The following AGO3 variants were observed in gnomAD, a reference collection of about 807,000 sequenced individuals.
AGO3 encodes argonaute RISC catalytic component 3, also known as protein argonaute-3.
AGO3 carries 16 observed loss-of-function variants against 105.5 expected under a neutral mutation model. The ratio of observed to expected loss-of-function variants is 0.15; its 90% CI spans 0.10 to 0.23. The LOEUF (loss-of-function observed/expected upper bound fraction) is 0.23. Ranked by LOEUF, AGO3 falls within the 10% of genes least tolerant of loss-of-function variation. The probability of loss-of-function intolerance (pLI) is 1.00; values close to 1 mark genes in which losing one functional copy is unlikely to be tolerated. For synonymous variants in AGO3, 340 were observed against 367.3 expected, an observed-to-expected ratio of 0.93 and a Z score of 0.85; for missense variants, 534 against 1,088.0, an observed-to-expected ratio of 0.49 and a Z score of 7.16.
chr1:35,993,591 A>C (rs1302347522), intron 5 of AGO3, among the ~76,000 whole-genome samples: 2 of 152,132 alleles, frequency 1.3e-5, no homozygotes, highest in African/African-American at 4.8e-5. Flanking sequence ...TATATCAAAG[A>C]AATTGAATTC....
At position 36,004,426 on chromosome 1, in the gene AGO3, A is replaced by G. The variant is rs1289524727; in HGVS notation, c.744A>G (p.Pro248=). 1.2e-6 allele frequency: 2 copies of G among 1,608,174 alleles called. No homozygotes were observed. The highest frequency in any genetic ancestry group is 1.7e-6 in the Non-Finnish European group (2 of 1,176,188). The change falls in exon 6 of 19, where the codon CCA becomes CCG. Residue 248 remains proline (P), a synonymous_variant. Coordinates refer to ENST00000373191, the MANE Select transcript of AGO3 (RefSeq NM_024852.4). ...ATATTCATAATATTGATGAGCAACC[A>G]AGACCTCTGACTGATTCTCATCGGG... is the stretch of plus-strand genomic sequence containing the variant. ...VLDIHNIDEQ[P]RPLTDSHRVK... is the part of the protein sequence containing the mutation.
rs1642361766 is a variant in AGO3, at chr1:36,044,112, A to G, written c.2274+564A>G. Among the ~76,000 whole-genome samples, 4 of 152,340 alleles carry G rather than the reference A, an allele frequency of 2.6e-5. No individual in the cohort carries two copies. In the South Asian group the frequency reaches 8.3e-4, roughly 32 times the overall value. The stretch of plus-strand genomic sequence containing the variant: ...ATAATTCCAACACTTTGGGAGGCTG[A>G]GATGGGCAGATTGCTTGAGTTCAGG... On this transcript the variant is annotated intron_variant, in intron 17 of 18. Transcript: ENST00000373191.
At chr1:35,967,217 T>G in intron 3 of AGO3, 142 bp downstream of exon 3, 1 of 1,214,494 alleles carries the variant, frequency 8.2e-7, no homozygotes. Flanking sequence ...TGAAATAATT[T>G]CAAACTTAAA....
intron 5 of AGO3, among the ~76,000 whole-genome samples, chr1:35,978,972 C>T (rs1207739191): frequency 6.6e-6 from 1 of 152,130 alleles, no homozygotes; most frequent in Non-Finnish European, 1.5e-5. Flanking sequence ...TTCCTCTGTG[C>T]TTGAAATATT....
At chr1:35,993,738 C>CTTTTTTTTTTT (rs141978570) in intron 5 of AGO3, among the ~76,000 whole-genome samples, 6 of 90,780 alleles carry the variant, frequency 6.6e-5, no homozygotes, top group African/African-American at 3.0e-4. Context: ...CCACCCCCTG[C>CTTTTTTTTTTT]TTTTTTTTTT....
chr1:36,007,603 G>A (rs561700890), intron 6 of AGO3, among the ~76,000 whole-genome samples: 1 of 151,604 alleles, frequency 6.6e-6, no homozygotes, highest in Admixed American at 6.6e-5. Flanking sequence ...GGCTGAGGCA[G>A]GAGAATCACA....
chr1:36,037,737 A>C (rs1036920905), intron 14 of AGO3, among the ~76,000 whole-genome samples: 2 of 152,110 alleles, frequency 1.3e-5, no homozygotes, highest in African/African-American at 4.8e-5. Context: ...TACATGAATT[A>C]TTTTCTTTAA....
intron 2 of AGO3, among the ~76,000 whole-genome samples, chr1:35,962,927 G>T (rs939729191): frequency 6.6e-6 from 1 of 152,110 alleles, no homozygotes; most frequent in Admixed American, 6.5e-5. Flanking sequence ...TTAGTAATAA[G>T]AGAAATCTAA....
At chr1:36,036,404 A>G (rs1478241689) in intron 14 of AGO3, 137 bp downstream of exon 14, 2 of 826,060 alleles carry the variant, frequency 2.4e-6, no homozygotes. Context: ...AAGAATGATT[A>G]TTCTCTGGTT....
intron 5 of AGO3, among the ~76,000 whole-genome samples, chr1:36,003,707 A>T (rs376860000): frequency 3.0e-3 from 361 of 120,138 alleles, no homozygotes; most frequent in Non-Finnish European, 4.4e-3. Flanking sequence ...AAAAAAAAAA[A>T]AAATATATAT....
Position 36,009,089 on chromosome 1 carries a change from C to A in AGO3, c.1029+45C>A, listed in dbSNP as rs1486490885. On this transcript the variant is annotated intron_variant, in intron 8 of 18. Transcript: ENST00000373191. ...AATTAATACCCTGTTGTTCATGATT[C>A]TTTTGGGGTCTTTTATGGCCGATAA... is the stretch of plus-strand genomic sequence containing the variant. 5 of 1,474,630 alleles carry A rather than the reference C, an allele frequency of 3.4e-6. No individual in the cohort carries two copies. In the East Asian group the frequency reaches 1.2e-4, roughly 36 times the overall value. The allele number at this position is 1,474,630 out of a possible 1,614,324, so 91.3% of individuals were successfully genotyped here.
intron 5 of AGO3, among the ~76,000 whole-genome samples, chr1:35,989,157 G>A (rs994900605): frequency 1.3e-5 from 2 of 152,148 alleles, no homozygotes; most frequent in Non-Finnish European, 2.9e-5. Flanking sequence ...GTTGAGGGAT[G>A]TTTCCCTCAG....
At chr1:36,031,349 T>C (rs919815216) in intron 12 of AGO3, among the ~76,000 whole-genome samples, 1 of 152,156 alleles carries the variant, frequency 6.6e-6, no homozygotes, top group Non-Finnish European at 1.5e-5. Flanking sequence ...CTGCTTTTCC[T>C]TCATTTATGA....
rs572423638 is a variant in AGO3 at position 35,995,770 on chromosome 1, C to T, written c.659-8571C>T. ...TTGGCTCACTGCAACCTCTGCCTCC[C>T]GAGTCCAAGTGATTCCCCCACCTCA... is the stretch of plus-strand genomic sequence containing the variant. On this transcript the variant is annotated intron_variant, in intron 5 of 18. Coordinates refer to ENST00000373191, the MANE Select transcript of AGO3 (RefSeq NM_024852.4). Among the ~76,000 whole-genome samples, 17 of 152,200 alleles carry T rather than the reference C, an allele frequency of 1.1e-4. No individual in the cohort carries two copies. In the South Asian group the frequency reaches 2.3e-3, roughly 20 times the overall value.
intron 17 of AGO3, among the ~76,000 whole-genome samples, chr1:36,050,727 G>C (rs952205521): frequency 1.4e-5 from 2 of 146,310 alleles, no homozygotes; most frequent in South Asian, 4.3e-4. Context: ...AGGAGGCAGA[G>C]ATTGCAGAGC....
At chr1:35,959,391 G>A (rs568709195) in intron 2 of AGO3, among the ~76,000 whole-genome samples, 2 of 152,170 alleles carry the variant, frequency 1.3e-5, no homozygotes, top group South Asian at 2.1e-4. Context: ...CTCACGTGAC[G>A]TTCTAAAAAA....
Position 36,061,585 on chromosome 1 carries a change from T to G in AGO3, c.*5840T>G, listed in dbSNP as rs1164664881. Reference sequence around the variant, plus strand: ...TATCAGGTAAATGGTGTGACAAAATTAGAATCCTGTCAAATCACCTATCCA... The same window carrying G: ...TATCAGGTAAATGGTGTGACAAAATGAGAATCCTGTCAAATCACCTATCCA... On this transcript the variant is annotated 3_prime_UTR_variant, in exon 19 of 19. Coordinates refer to ENST00000373191, the MANE Select transcript of AGO3 (RefSeq NM_024852.4). 1 of 152,146 alleles carries G rather than the reference T, an allele frequency of 6.6e-6. No individual in the cohort carries two copies. The highest frequency in any genetic ancestry group is 1.5e-5 in the Non-Finnish European group (1 of 68,016). 9.4% of individuals were successfully genotyped at this position (152,146 alleles called of 1,614,324 possible). A position where few individuals can be genotyped will look rare whatever the true frequency, so the allele number is the denominator to read the frequency against.
In AGO3 at chr1:36,058,555, A is replaced by C. The variant is rs1000462244; in HGVS notation, c.*2810A>C. 1.3e-5 allele frequency: 2 copies of C among 151,482 alleles called. No homozygotes were observed. Among genetic ancestry groups the C allele is most frequent in the African/African-American group, 4.9e-5 (2 of 41,150 alleles). The allele number at this position is 151,482 out of a possible 1,614,324, so 9.4% of individuals were successfully genotyped here. ...TGAAACCTAATGGATTTAGATCTTT[A>C]GTTTCTCTCTTACCTGTAATCCACT... is the stretch of plus-strand genomic sequence containing the variant. On this transcript the variant is annotated 3_prime_UTR_variant, in exon 19 of 19. Transcript: ENST00000373191.
intron 5 of AGO3, chr1:35,984,569 A>G (rs1340552141): frequency 6.6e-6 from 1 of 152,270 alleles, no homozygotes; most frequent in African/African-American, 2.4e-5. Context: ...TCTCTTCTGT[A>G]TTCCCATAGC....
Sources: gnomAD v4.1 joint callset for allele counts (sites outside exome capture counted in the v4.1 genomes callset) on GRCh38, gnomAD v4.1.1 for gene constraint, MANE v1.5 for transcripts, NCBI Gene and HGNC (gene_info 2026-07-23, HGNC 2026-07-21) for gene names.